The following PAFAH1B2 variants were observed in gnomAD, a reference collection of about 807,000 sequenced individuals.
PAFAH1B2 encodes the protein platelet-activating factor acetylhydrolase IB subunit alpha2.
In PAFAH1B2, 8 loss-of-function variants were observed where a neutral mutation model predicts 28.0. The observed-to-expected ratio is 0.29, with a 90% CI of 0.17 to 0.52. The LOEUF is 0.52. Ranked by LOEUF, PAFAH1B2 falls within the 20% of genes least tolerant of loss-of-function variation. The pLI is 0.97. For missense variants in PAFAH1B2, 190 were observed against 282.6 expected, an observed-to-expected ratio of 0.67 and a Z score of 2.35; for synonymous variants, 104 against 103.2, an observed-to-expected ratio of 1.01 and a Z score of -0.05.
intron 2 of PAFAH1B2, among the ~76,000 whole-genome samples, chr11:117,158,618 A>G (rs535128542): frequency 1.3e-3 from 183 of 145,312 alleles, no homozygotes; most frequent in Non-Finnish European, 2.3e-3. Flanking sequence ...TTCTTTTCCT[A>G]GTTATGATAA....
chr11:117,165,688 G>T (rs1956490934), intron 5 of PAFAH1B2, among the ~76,000 whole-genome samples: 1 of 152,196 alleles, frequency 6.6e-6, no homozygotes, highest in Non-Finnish European at 1.5e-5. Flanking sequence ...CAGACAAATA[G>T]GGAAAGAAGG....
downstream of PAFAH1B2, among the ~76,000 whole-genome samples, chr11:117,173,751 A>G (rs538419013): frequency 3.6e-4 from 55 of 152,368 alleles, no homozygotes; most frequent in Non-Finnish European, 7.3e-4. Flanking sequence ...TTCCCAATCT[A>G]ACATGCATCC....
Position 117,161,028 on chromosome 11 carries a change from TAC to T in PAFAH1B2, c.172-115_172-114del, listed in dbSNP as rs1209343793. On this transcript the variant is annotated intron_variant, in intron 3 of 5. Transcript: ENST00000527958. ...AAGCCCTTAAACAGTGTCACACCATTACAGTGTTATCTTTGAATACAGAAAAA... is the reference window on the plus strand; with the variant it reads ...AAGCCCTTAAACAGTGTCACACCATTAGTGTTATCTTTGAATACAGAAAAA... 4.3e-6 allele frequency: 3 copies of T among 705,186 alleles called. No individual in the cohort carries two copies. The African/African-American group carries it at 5.4e-5, about 13-fold the overall frequency. The allele number at this position is 705,186 out of a possible 1,614,324, so 43.7% of individuals were successfully genotyped here.
intron 1 of PAFAH1B2, among the ~76,000 whole-genome samples, chr11:117,150,124 A>G (rs1271244989): frequency 6.6e-6 from 1 of 152,184 alleles, no homozygotes; most frequent in African/African-American, 2.4e-5. Flanking sequence ...GAAAGTATAG[A>G]ATGTTTTACT....
chr11:117,145,376 A>G (rs1403492973), intron 1 of PAFAH1B2, among the ~76,000 whole-genome samples: 4 of 152,190 alleles, frequency 2.6e-5, no homozygotes, highest in Admixed American at 2.0e-4. Context: ...CCCGTAGAGA[A>G]AGGAAAGACC....
At position 117,170,626 on chromosome 11, in the gene PAFAH1B2, TAAAA is replaced by T. The variant is rs150627380; in HGVS notation, c.*2945_*2948del. ...CCGGCTCTTAGGAATTTTGTCTGTTTAAAAAAAAAAAAAAAAAAAAAGTCCAACT... is the reference window on the plus strand; with the variant it reads ...CCGGCTCTTAGGAATTTTGTCTGTTTAAAAAAAAAAAAAAAAAGTCCAACT... On this transcript the variant is annotated 3_prime_UTR_variant, in exon 6 of 6. Coordinates refer to ENST00000527958, the MANE Select transcript of PAFAH1B2 (RefSeq NM_002572.4). 6,705 of 948,216 alleles carry T rather than the reference TAAAA, an allele frequency of 7.1e-3. 222 individuals carry two copies. In the African/African-American group the frequency reaches 0.12, roughly 17 times the overall value. The allele number at this position is 948,216 out of a possible 1,614,324, so 58.7% of individuals were successfully genotyped here.
rs1471498731 is a variant in PAFAH1B2 at position 117,167,788 on chromosome 11, T to C, written c.*89T>C. On this transcript the variant is annotated 3_prime_UTR_variant, in exon 6 of 6. Transcript: ENST00000527958. ...AGAATCCTTCTCTTTCTTAAGGCAC[T>C]TTGCATTGTAGAATGTTCCTGGATG... The C allele has an allele frequency of 1.5e-5, 20 of 1,357,526 alleles. No homozygotes were observed. The highest frequency in any genetic ancestry group is 1.2e-5 in the Non-Finnish European group (13 of 1,047,548). 84.1% of individuals were successfully genotyped at this position (1,357,526 alleles called of 1,614,324 possible). A position where few individuals can be genotyped will look rare whatever the true frequency, so the allele number is the denominator to read the frequency against.
At chr11:117,173,504 T>TTTCTTTTTTC (rs1239227874), downstream of PAFAH1B2, among the ~76,000 whole-genome samples, 1 of 152,216 alleles carries the variant, frequency 6.6e-6, no homozygotes, top group South Asian at 2.1e-4. Context: ...GAACTTTTTT[T>TTTCTTTTTTC]TTCTTTTTTC....
chr11:117,157,356 G>T (rs529447622), intron 2 of PAFAH1B2, among the ~76,000 whole-genome samples: 5 of 152,090 alleles, frequency 3.3e-5, no homozygotes, highest in Admixed American at 2.6e-4. Flanking sequence ...TGCCCAGGCT[G>T]GTCTTGAACT....
downstream of PAFAH1B2, chr11:117,175,029 A>C (rs2029896752): frequency 7.2e-7 from 1 of 1,391,360 alleles, no homozygotes; most frequent in African/African-American, 1.5e-5. Flanking sequence ...TCATGGGTCC[A>C]GCAAGCTCCT....
In PAFAH1B2 at chr11:117,168,609, T is replaced by G. The variant is rs10892082; in HGVS notation, c.*910T>G. The G allele has an allele frequency of 0.88, 931,630 of 1,062,604 alleles. 410,834 individuals carry two copies. Among genetic ancestry groups the G allele is most frequent in the Non-Finnish European group, 0.9 (788,008 of 877,926 alleles). The allele number at this position is 1,062,604 out of a possible 1,614,324, so 65.8% of individuals were successfully genotyped here. A position where few individuals can be genotyped will look rare whatever the true frequency, so the allele number is the denominator to read the frequency against. On this transcript the variant is annotated 3_prime_UTR_variant, in exon 6 of 6. Coordinates refer to ENST00000527958, the MANE Select transcript of PAFAH1B2 (RefSeq NM_002572.4). ...CTTGTGTGGTGTTCTGTGCTATAGATTCTGTGTATTGCTGTTCATATTCGG... is the reference window on the plus strand; with the variant it reads ...CTTGTGTGGTGTTCTGTGCTATAGAGTCTGTGTATTGCTGTTCATATTCGG...
At chr11:117,172,370 A>G (rs1012422351), downstream of PAFAH1B2, among the ~76,000 whole-genome samples, 10 of 33,660 alleles carry the variant, frequency 3.0e-4, 1 homozygote, top group Admixed American at 1.6e-3. Flanking sequence ...ATATATATAT[A>G]TATATATATA....
At chr11:117,156,287 A>G (rs922578260) in intron 2 of PAFAH1B2, among the ~76,000 whole-genome samples, 3 of 152,254 alleles carry the variant, frequency 2.0e-5, no homozygotes, top group Non-Finnish European at 4.4e-5. Flanking sequence ...TATAACGGCT[A>G]CCATTTATCA....
chr11:117,174,006 T>C (rs930614917), downstream of PAFAH1B2, among the ~76,000 whole-genome samples: 2 of 152,172 alleles, frequency 1.3e-5, no homozygotes, highest in African/African-American at 2.4e-5. Context: ...GTTAAAGTTA[T>C]ACCATTACAT....
At chr11:117,163,546 G>A (rs1401682556) in intron 4 of PAFAH1B2, among the ~76,000 whole-genome samples, 1 of 152,096 alleles carries the variant, frequency 6.6e-6, no homozygotes, top group Non-Finnish European at 1.5e-5. Flanking sequence ...GGCGGCACAT[G>A]CCTGTAGTCC....
intron 2 of PAFAH1B2, among the ~76,000 whole-genome samples, chr11:117,158,114 A>G (rs1956292754): frequency 6.6e-6 from 1 of 152,156 alleles, no homozygotes; most frequent in South Asian, 2.1e-4. Flanking sequence ...CTCCAGCCTG[A>G]GTGATAAAGT....
At position 117,168,446 on chromosome 11, in the gene PAFAH1B2, G is replaced by GGTTGGTGTTTTTT; in HGVS notation, c.*747_*748insGTTGGTGTTTTTT. ...TCCCCTTCATTCCCCCCGCCACCCCGTTTTTTTTTTTTTTTTTTTTTTTTT... is the reference window on the plus strand; with the variant it reads ...TCCCCTTCATTCCCCCCGCCACCCCGGTTGGTGTTTTTTTTTTTTTTTTTTTTTTTTTTTTTTT... On this transcript the variant is annotated 3_prime_UTR_variant, in exon 6 of 6. Transcript: ENST00000527958. The GGTTGGTGTTTTTT allele has an allele frequency of 8.5e-6, 2 of 234,818 alleles. No homozygotes were observed. Among genetic ancestry groups the GGTTGGTGTTTTTT allele is most frequent in the Non-Finnish European group, 1.0e-5 (2 of 200,706 alleles). 14.5% of individuals were successfully genotyped at this position (234,818 alleles called of 1,614,324 possible).
At chr11:117,171,140 C>A, downstream of PAFAH1B2, 1 of 814,728 alleles carries the variant, frequency 1.2e-6, no homozygotes, top group Non-Finnish European at 1.5e-6. Flanking sequence ...AAATTGGATA[C>A]TTAGATGATC....
In PAFAH1B2 at chr11:117,154,187, C is replaced by G. The variant is rs544049997; in HGVS notation, c.81+1659C>G. Among the ~76,000 whole-genome samples the G allele has an allele frequency of 2.6e-5, 4 of 151,970 alleles. No individual in the cohort carries two copies. In the South Asian group the frequency reaches 8.3e-4, roughly 32 times the overall value. ...TTCATGGACATCTGGATCATTTATA[C>G]CTTTATGAATAGTAACTAGGCCAGG... On this transcript the variant is annotated intron_variant, in intron 2 of 5. Coordinates refer to ENST00000527958, the MANE Select transcript of PAFAH1B2 (RefSeq NM_002572.4).
Sources: gnomAD v4.1 joint callset for allele counts (sites outside exome capture counted in the v4.1 genomes callset) on GRCh38, gnomAD v4.1.1 for gene constraint, MANE v1.5 for transcripts, NCBI Gene and HGNC (gene_info 2026-07-23, HGNC 2026-07-21) for gene names.